PPP1R3A: variants seen among roughly 807,000 people sequenced by gnomAD.
PPP1R3A encodes the protein RG1.
A neutral mutation model predicts 41.7 loss-of-function variants in PPP1R3A; 29 were observed. The ratio of observed to expected loss-of-function variants is 0.70; its 90% CI spans 0.52 to 0.95. The LOEUF (loss-of-function observed/expected upper bound fraction) is 0.95, where lower values mean the gene tolerates loss of function less well. Among genes scored for constraint, PPP1R3A ranks in the 40% least tolerant of loss-of-function variants. The pLI is 0.00. For missense variants in PPP1R3A, 1,352 were observed against 1,292.4 expected, an observed-to-expected ratio of 1.05 and a Z score of -0.71; for synonymous variants, 485 against 453.4, an observed-to-expected ratio of 1.07 and a Z score of -0.89.
chr7:113,884,289 A>G (rs1796744310), intron 1 of PPP1R3A, among the ~76,000 whole-genome samples: 1 of 152,088 alleles, frequency 6.6e-6, no homozygotes, highest in Admixed American at 6.6e-5. Context: ...AAACAGAAAA[A>G]TAAAGGGCAA....
At position 113,919,000 on chromosome 7, in the gene PPP1R3A, GC is replaced by G; in HGVS notation, c.-5del. On this transcript the variant is annotated 5_prime_UTR_variant, in exon 1 of 4. Transcript: ENST00000284601. ...TAGGTACTTCAGAAGGCTCCATTGG[GC>G]TCTCTGATATCAAATAAGAGAGAAC... The G allele has an allele frequency of 6.2e-7, 1 of 1,609,150 alleles. No homozygotes were observed. Among genetic ancestry groups the G allele is most frequent in the South Asian group, 1.1e-5 (1 of 90,974 alleles).
intron 1 of PPP1R3A, among the ~76,000 whole-genome samples, chr7:113,890,289 A>G (rs1796858096): frequency 6.6e-6 from 1 of 152,068 alleles, no homozygotes; most frequent in Non-Finnish European, 1.5e-5. Flanking sequence ...GGGGCCAGAA[A>G]TCGGATCTAC....
At chr7:113,914,884 C>T (rs1797313894) in intron 1 of PPP1R3A, among the ~76,000 whole-genome samples, 1 of 152,000 alleles carries the variant, frequency 6.6e-6, no homozygotes, top group Non-Finnish European at 1.5e-5. Context: ...AGCCTAAAAT[C>T]CTAACTTTGA....
At chr7:113,914,608 C>T (rs933326558) in intron 1 of PPP1R3A, among the ~76,000 whole-genome samples, 2 of 152,092 alleles carry the variant, frequency 1.3e-5, no homozygotes, top group Admixed American at 6.6e-5. Context: ...TTTGGTGCAG[C>T]TTGAGCCTTG....
chr7:113,910,911 G>T (rs1797234156), intron 1 of PPP1R3A, among the ~76,000 whole-genome samples: 1 of 152,044 alleles, frequency 6.6e-6, no homozygotes, highest in Admixed American at 6.6e-5. Context: ...TATCAATGGG[G>T]AGGGTACTTG....
Position 113,877,701 on chromosome 7 carries a change from A to G in PPP1R3A, c.*22T>C. 16 of 1,521,650 alleles carry G rather than the reference A, an allele frequency of 1.1e-5. No individual in the cohort carries two copies. The highest frequency in any genetic ancestry group is 1.4e-5 in the Non-Finnish European group (16 of 1,138,248). 94.3% of individuals were successfully genotyped at this position (1,521,650 alleles called of 1,614,324 possible). A position where few individuals can be genotyped will look rare whatever the true frequency, so the allele number is the denominator to read the frequency against. ...TTGGGGTTAAATAGCTTATCTTTTA[A>G]GAGAGAATAGTAGTGCTGAGGTTAC... On this transcript the variant is annotated 3_prime_UTR_variant, in exon 4 of 4. Coordinates refer to ENST00000284601, the MANE Select transcript of PPP1R3A (RefSeq NM_002711.4).
At chr7:113,898,340 G>A (rs983632006) in intron 1 of PPP1R3A, among the ~76,000 whole-genome samples, 1 of 151,744 alleles carries the variant, frequency 6.6e-6, no homozygotes, top group African/African-American at 2.4e-5. Flanking sequence ...GAGAACAGAG[G>A]TGGCCAGGGA....
At chr7:113,906,386 T>C (rs1797147067) in intron 1 of PPP1R3A, among the ~76,000 whole-genome samples, 1 of 151,812 alleles carries the variant, frequency 6.6e-6, no homozygotes, top group Admixed American at 6.6e-5. Context: ...GGCCATATAA[T>C]ATAATATGGA....
rs778601312 is a variant in PPP1R3A at position 113,918,762 on chromosome 7, C to A, written c.235G>T (p.Glu79Ter). Reference protein sequence around the residue: ...SFGFNLVSVKEFDCWELPSAS... With the variant: ...SFGFNLVSVK ...CTCGGTAATTCCCAGCAATCAAATT[C>A]TTTAACAGACACAAGATTGAATCCA... The change falls in exon 1 of 4, where the codon GAA becomes TAA. Residue 79 changes from glutamate to a stop codon, truncating the protein, a stop_gained. Coordinates refer to ENST00000284601, the MANE Select transcript of PPP1R3A (RefSeq NM_002711.4). LOFTEE classifies it high-confidence loss of function. 1 of 1,613,862 alleles carries A rather than the reference C, an allele frequency of 6.2e-7. No homozygotes were observed. Among genetic ancestry groups the A allele is most frequent in the Non-Finnish European group, 8.5e-7 (1 of 1,179,868 alleles).
rs779491509 is a variant in PPP1R3A, at chr7:113,877,900, G to A, written c.3192C>T (p.Asn1064=). The change falls in exon 4 of 4, where the codon AAC becomes AAT. Residue 1064 remains asparagine, a synonymous_variant. Transcript: ENST00000284601. ...TGGTATATTTTGAAAACAAAGATTC[G>A]TTGCCTTGAGCTTGACTTTCCTCAA... ...LPVEESQAQG[N]ESLFSKYTNS... is the part of the protein sequence containing the mutation. The A allele has an allele frequency of 1.4e-5, 23 of 1,612,604 alleles. No homozygotes were observed. Among genetic ancestry groups the A allele is most frequent in the South Asian group, 7.7e-5 (7 of 91,054 alleles).
chr7:113,889,318 C>T (rs1229002566), intron 1 of PPP1R3A, among the ~76,000 whole-genome samples: 1 of 152,082 alleles, frequency 6.6e-6, no homozygotes, highest in Non-Finnish European at 1.5e-5. Context: ...ATTTACATAA[C>T]TCTTAAGATA....
At chr7:113,905,858 G>C (rs573593188) in intron 1 of PPP1R3A, among the ~76,000 whole-genome samples, 16 of 151,846 alleles carry the variant, frequency 1.1e-4, no homozygotes, top group Admixed American at 3.9e-4. Context: ...AATCATTTCT[G>C]ATCAGTGAAC....
At chr7:113,891,254 G>A (rs1457560655) in intron 1 of PPP1R3A, among the ~76,000 whole-genome samples, 2 of 151,880 alleles carry the variant, frequency 1.3e-5, no homozygotes, top group Non-Finnish European at 2.9e-5. Context: ...CTAACACAGA[G>A]TAATTATTTA....
intron 1 of PPP1R3A, among the ~76,000 whole-genome samples, chr7:113,897,182 T>C (rs753463532): frequency 2.0e-5 from 3 of 151,874 alleles, no homozygotes; most frequent in Admixed American, 6.6e-5. Context: ...AGTTCTTTAC[T>C]TGTAAACTCC....
rs1796622290 is a variant in PPP1R3A, at chr7:113,878,775, A to G, written c.2317T>C (p.Phe773Leu). ...DRPIEVKETAFDPHEGRNDDS... is the reference protein window; with the variant it reads ...DRPIEVKETALDPHEGRNDDS... ...TCATTTCTCCCTTCATGTGGATCAA[A>G]CGCTGTTTCCTTTACCTCGATGGGC... Residue 773 changes from phenylalanine (F) to leucine (L), a missense_variant, in exon 4 of 4, where the codon TTT (phenylalanine) becomes CTT (leucine). Transcript: ENST00000284601. The G allele has an allele frequency of 6.2e-7, 1 of 1,613,426 alleles. No homozygotes were observed. The highest frequency in any genetic ancestry group is 1.3e-5 in the African/African-American group (1 of 74,864).
In PPP1R3A at chr7:113,918,559, A is replaced by C; in HGVS notation, c.438T>G (p.Ile146Met). Residue 146 changes from isoleucine (I) to methionine (M), a missense_variant, in exon 1 of 4, where the codon ATT becomes ATG. Coordinates refer to ENST00000284601, the MANE Select transcript of PPP1R3A (RefSeq NM_002711.4). ...TCTCAAAAGAAACATTCAAAACTCGAATAATACCCTTGATACTTGTAGACC... is the reference window on the plus strand; with the variant it reads ...TCTCAAAAGAAACATTCAAAACTCGCATAATACCCTTGATACTTGTAGACC... The part of the protein sequence containing the change: ...LLGSTSIKGI[I>M]RVLNVSFEKL... 6.2e-7 allele frequency: 1 copy of C among 1,613,138 alleles called. No homozygotes were observed. Among genetic ancestry groups the C allele is most frequent in the South Asian group, 1.1e-5 (1 of 91,072 alleles).
rs370744122 is a variant in PPP1R3A at position 113,882,197 on chromosome 7, T to C, written c.842-34A>G. The stretch of plus-strand genomic sequence containing the variant: ...TTAATATAATTGTGCCTATGTAAGA[T>C]TGTTTTAATTGTAGACTTTCACAAA... On this transcript the variant is annotated intron_variant, in intron 2 of 3. Coordinates refer to ENST00000284601, the MANE Select transcript of PPP1R3A (RefSeq NM_002711.4). 142 of 1,601,758 alleles carry C rather than the reference T, an allele frequency of 8.9e-5. No homozygotes were observed. The African/African-American group carries it at 1.6e-3, about 18-fold the overall frequency.
rs1797267085 is a variant in PPP1R3A, at chr7:113,912,443, AAC to A, written c.782+5770_782+5771del. On this transcript the variant is annotated intron_variant, in intron 1 of 3. Coordinates refer to ENST00000284601, the MANE Select transcript of PPP1R3A (RefSeq NM_002711.4). ...ACACACACACATATATATATACACA[AAC>A]ACATATATGTAAATTTTAGGCAAGG... 2.6e-5 allele frequency among the ~76,000 whole-genome samples: 4 copies of A among 152,076 alleles called. No individual in the cohort carries two copies. The South Asian group carries it at 8.3e-4, about 31-fold the overall frequency.
chr7:113,877,367 GA>G lies in PPP1R3A; in HGVS notation c.*355del, dbSNP rs914567975. 3.3e-4 allele frequency: 56 copies of G among 168,824 alleles called. No individual in the cohort carries two copies. Among genetic ancestry groups the G allele is most frequent in the South Asian group, 5.7e-4 (3 of 5,244 alleles). 10.5% of individuals were successfully genotyped at this position (168,824 alleles called of 1,614,324 possible). A position where few individuals can be genotyped will look rare whatever the true frequency, so the allele number is the denominator to read the frequency against. On this transcript the variant is annotated 3_prime_UTR_variant, in exon 4 of 4. Coordinates refer to ENST00000284601, the MANE Select transcript of PPP1R3A (RefSeq NM_002711.4). The stretch of plus-strand genomic sequence containing the variant: ...AGGGGAAAATATATACTCTCAAGGG[GA>G]AAAAAAAATGAAGCTTTATTGCAAG...
Sources: gnomAD v4.1 joint callset for allele counts (sites outside exome capture counted in the v4.1 genomes callset) on GRCh38, gnomAD v4.1.1 for gene constraint, MANE v1.5 for transcripts, NCBI Gene and HGNC (gene_info 2026-07-23, HGNC 2026-07-21) for gene names.